Variants in EXOSC10 observed in about 807,000 individuals in gnomAD.
EXOSC10 encodes exosome component 10, also known as exosome complex component 10.
Under a neutral mutation model 126.6 loss-of-function variants are expected in EXOSC10, and 94 were observed. The ratio of observed to expected loss-of-function variants is 0.74; its 90% confidence interval spans 0.63 to 0.88. The LOEUF (loss-of-function observed/expected upper bound fraction) is 0.88. Ranked by LOEUF, EXOSC10 falls within the 40% of genes least tolerant of loss-of-function variation. The pLI is 0.00. For synonymous variants in EXOSC10, 395 were observed against 400.8 expected, an observed-to-expected ratio of 0.99 and a Z score of 0.17; for missense variants, 1,041 against 1,100.5, an observed-to-expected ratio of 0.95 and a Z score of 0.77.
At chr1:11,075,445 C>T (rs1413354502) in intron 17 of EXOSC10, among the ~76,000 whole-genome samples, 1 of 152,160 alleles carries the variant, frequency 6.6e-6, no homozygotes, top group Non-Finnish European at 1.5e-5. Context: ...CCTTGCAACA[C>T]AAGAGTGCAG....
intron 17 of EXOSC10, 97 bp from the exon 18 acceptor site, chr1:11,074,423 T>G: frequency 3.4e-6 from 3 of 881,526 alleles, no homozygotes; most frequent in Non-Finnish European, 5.4e-6. Context: ...ATTTTTTTTT[T>G]TTTTCTGGAG....
intron 2 of EXOSC10, 50 bp from the exon 3 acceptor site, chr1:11,095,931 T>C: frequency 6.3e-7 from 1 of 1,597,676 alleles, no homozygotes. Context: ...TTTCACTTGT[T>C]TACATTCTGT....
At chr1:11,096,242 C>T (rs998876726) in intron 2 of EXOSC10, among the ~76,000 whole-genome samples, 3 of 152,106 alleles carry the variant, frequency 2.0e-5, no homozygotes, top group African/African-American at 7.2e-5. Context: ...CCTCCGACTC[C>T]CGGATTCAAG....
chr1:11,088,415 CTT>C (rs1210412340), intron 6 of EXOSC10, among the ~76,000 whole-genome samples: 1 of 152,114 alleles, frequency 6.6e-6, no homozygotes, highest in Non-Finnish European at 1.5e-5. Context: ...CTATTAATTT[CTT>C]TAGAGAGCTG....
intron 20 of EXOSC10, 124 bp downstream of exon 20, chr1:11,071,963 C>G (rs1384673399): frequency 4.1e-6 from 3 of 730,732 alleles, no homozygotes; most frequent in Non-Finnish European, 7.0e-6. Context: ...GCCCACCATC[C>G]CTCAGCAGAA....
Position 11,073,971 on chromosome 1 carries a change from TGA to T in EXOSC10, c.2118_2119del (p.Gln707GlyfsTer12). 6.2e-7 allele frequency: 1 copy of T among 1,613,154 alleles called. No homozygotes were observed. The highest frequency in any genetic ancestry group is 8.5e-7 in the Non-Finnish European group (1 of 1,179,776). On this transcript the variant is annotated frameshift_variant, in exon 19 of 25. Coordinates refer to ENST00000376936, the MANE Select transcript of EXOSC10 (RefSeq NM_001001998.3). LOFTEE classifies it high-confidence loss of function. ...GGTTGATGGATCGAACTTCGCTGCC[TGA>T]GAGACGGGAGCACGGTGTCCCAGTG... is the stretch of plus-strand genomic sequence containing the variant.
chr1:11,084,347 G>A lies in EXOSC10; in HGVS notation c.1090-1469C>T, dbSNP rs200381809. Among the ~76,000 whole-genome samples, 17 of 152,342 alleles carry A rather than the reference G, an allele frequency of 1.1e-4. No individual in the cohort carries two copies. The South Asian group carries it at 3.5e-3, about 32-fold the overall frequency. Reference sequence around the variant, plus strand: ...AACTGGTGTGAGATGATATCTCACTGTGGTTTCGATTTGCATTTCTCTGAT... The same window carrying A: ...AACTGGTGTGAGATGATATCTCACTATGGTTTCGATTTGCATTTCTCTGAT... On this transcript the variant is annotated intron_variant, in intron 9 of 24. Coordinates refer to ENST00000376936, the MANE Select transcript of EXOSC10 (RefSeq NM_001001998.3).
At chr1:11,084,466 G>C (rs1034403556) in intron 9 of EXOSC10, among the ~76,000 whole-genome samples, 10 of 152,168 alleles carry the variant, frequency 6.6e-5, no homozygotes, top group Non-Finnish European at 1.2e-4. Context: ...CCCACTTTTT[G>C]ATGGGGTTAT....
intron 17 of EXOSC10, among the ~76,000 whole-genome samples, chr1:11,075,157 C>T (rs1315888986): frequency 6.6e-6 from 1 of 152,048 alleles, no homozygotes; most frequent in Non-Finnish European, 1.5e-5. Context: ...CTCAGCCTCA[C>T]GAGTAGCTGG....
At chr1:11,067,731 G>A (rs961655783) in intron 24 of EXOSC10, among the ~76,000 whole-genome samples, 1 of 152,146 alleles carries the variant, frequency 6.6e-6, no homozygotes, top group Non-Finnish European at 1.5e-5. Context: ...TTTCCCTGAG[G>A]TGACCCCAGG....
intron 9 of EXOSC10, among the ~76,000 whole-genome samples, chr1:11,086,835 T>A (rs951303015): frequency 1.7e-4 from 26 of 151,964 alleles, no homozygotes; most frequent in Non-Finnish European, 3.1e-4. Context: ...TAGAGGGAAA[T>A]TTATAGCACT....
chr1:11,082,501 TA>T, intron 10 of EXOSC10, 186 bp downstream of exon 10: 2 of 1,395,006 alleles, frequency 1.4e-6, no homozygotes, highest in East Asian at 2.5e-5. Context: ...CAGCCCATCA[TA>T]AAGTCCACCT....
chr1:11,082,517 A>G, intron 10 of EXOSC10, 171 bp downstream of exon 10: 1 of 1,440,394 alleles, frequency 6.9e-7, no homozygotes. Flanking sequence ...CCACCTTAGC[A>G]TTAAAAAATT....
chr1:11,077,374 G>C lies in EXOSC10; in HGVS notation c.1870C>G (p.Pro624Ala). 1 of 1,611,152 alleles carries C rather than the reference G, an allele frequency of 6.2e-7. No individual in the cohort carries two copies. Among genetic ancestry groups the C allele is most frequent in the Non-Finnish European group, 8.5e-7 (1 of 1,177,624 alleles). Residue 624 changes from proline (P) to alanine (A), a missense_variant, in exon 16 of 25, where the codon CCA (proline) becomes GCA (alanine). Transcript: ENST00000376936. ...HAPPDGYPII[P>A]TSGSVPVQKQ... ...GGGCTCTCGACTTTACCACTGGTTG[G>C]GATGATTGGATAGCCATCCGGAGGG...
chr1:11,078,726 T>C (rs959180687), intron 14 of EXOSC10, among the ~76,000 whole-genome samples: 7 of 152,204 alleles, frequency 4.6e-5, no homozygotes, highest in African/African-American at 1.7e-4. Flanking sequence ...TCACTTCACA[T>C]CTGGGCCATC....
In EXOSC10 at chr1:11,099,802, C is replaced by G; in HGVS notation, c.30G>C (p.Arg10Ser). The change falls in exon 1 of 25, where the codon AGG becomes AGC. Residue 10 changes from arginine (R) to serine (S), a missense_variant. This residue lies in a region of EXOSC10 where 645 missense variants were observed against 656.3 expected (regional missense o/e 0.98). Coordinates refer to ENST00000376936, the MANE Select transcript of EXOSC10 (RefSeq NM_001001998.3). ...TGGTTGCGCTGGTCGCCGACAGGAC[C>G]CTGGGCTCCCGGGTACTGGGTGGCG... MAPPSTREPRVLSATSATKS... is the reference protein window; with the variant it reads MAPPSTREPSVLSATSATKS... The G allele has an allele frequency of 6.2e-7, 1 of 1,611,688 alleles. No individual in the cohort carries two copies. The highest frequency in any genetic ancestry group is 2.3e-5 in the East Asian group (1 of 44,424).
At position 11,079,694 on chromosome 1, in the gene EXOSC10, G is replaced by A. The variant is rs115152233; in HGVS notation, c.1749+17C>T. 742 of 1,601,608 alleles carry A rather than the reference G, an allele frequency of 4.6e-4. 7 individuals carry two copies. The African/African-American group carries it at 9.2e-3, about 20-fold the overall frequency. ...TAGGCGTGAGCCACTGTGCCCAGCC[G>A]CAGAAAAGCTTCTTACCTTGAGCAG... On this transcript the variant is annotated intron_variant, in intron 14 of 24. Coordinates refer to ENST00000376936, the MANE Select transcript of EXOSC10 (RefSeq NM_001001998.3).
At chr1:11,067,734 AC>A (rs1190771490) in intron 24 of EXOSC10, among the ~76,000 whole-genome samples, 1 of 152,148 alleles carries the variant, frequency 6.6e-6, no homozygotes, top group Non-Finnish European at 1.5e-5. Flanking sequence ...CCCTGAGGTG[AC>A]CCCAGGACAC....
intron 16 of EXOSC10, 153 bp from the exon 17 acceptor site, chr1:11,077,101 C>A: frequency 1.6e-6 from 1 of 641,930 alleles, no homozygotes; most frequent in East Asian, 2.7e-5. Context: ...AAGTGATTCT[C>A]CTGCCTCTGC....
Sources: gnomAD v4.1 joint callset for allele counts (sites outside exome capture counted in the v4.1 genomes callset) on GRCh38, gnomAD v4.1.1 for gene constraint, gnomAD v4.1.1 regional missense constraint, MANE v1.5 for transcripts, NCBI Gene and HGNC (gene_info 2026-07-23, HGNC 2026-07-21) for gene names.